Variants in GPC1 observed in about 807,000 individuals in gnomAD.
The protein encoded by GPC1 is glypican-1.
Under a neutral mutation model 51.5 loss-of-function variants are expected in GPC1, and 26 were observed. That is an observed-to-expected ratio of 0.50 (90% confidence interval 0.37 to 0.70). The LOEUF (loss-of-function observed/expected upper bound fraction) is 0.70, where lower values mean the gene tolerates loss of function less well. Ranked by LOEUF, GPC1 falls within the 30% of genes least tolerant of loss-of-function variation. The pLI, the probability that GPC1 is intolerant of heterozygous loss-of-function variation, is 0.00. For missense variants in GPC1, 775 were observed against 800.5 expected (o/e 0.97, Z 0.38); for synonymous variants, 380 against 348.3 (o/e 1.09, Z -1.01).
intron 1 of GPC1, among the ~76,000 whole-genome samples, chr2:240,440,604 G>C (rs1409368465): frequency 8.9e-6 from 1 of 112,784 alleles, no homozygotes; most frequent in African/African-American, 3.4e-5. Flanking sequence ...GTCCTGCCCA[G>C]CTCCTCCTGG....
chr2:240,465,725 G>T, intron 8 of GPC1, 77 bp downstream of exon 8: 1 of 1,278,302 alleles, frequency 7.8e-7, no homozygotes, highest in Non-Finnish European at 1.1e-6. Flanking sequence ...TGCCCTCCGG[G>T]TTCCCCCACC....
chr2:240,440,998 A>G (rs913524582), intron 1 of GPC1, among the ~76,000 whole-genome samples: 1 of 152,280 alleles, frequency 6.6e-6, no homozygotes, highest in African/African-American at 2.4e-5. Context: ...GTGCCCCAGG[A>G]TTAGTGGACA....
chr2:240,444,757 C>T (rs80132642), intron 1 of GPC1, among the ~76,000 whole-genome samples: 18 of 152,312 alleles, frequency 1.2e-4, no homozygotes, highest in African/African-American at 2.6e-4. Context: ...CTGTGGACCC[C>T]GCAGCCCACC....
chr2:240,463,358 C>T lies in GPC1; in HGVS notation c.729C>T (p.Gly243=), dbSNP rs1326767685. The T allele has an allele frequency of 4.3e-6, 7 of 1,612,574 alleles. No homozygotes were observed. Among genetic ancestry groups the T allele is most frequent in the Non-Finnish European group, 5.9e-6 (7 of 1,179,820 alleles). ...VVRKVAQVPL[G]PECSRAVMKL... is the part of the protein sequence containing the mutation. ...CCCTTGCTCCCCAGGTCCCCCTGGGCCCGGAGTGCTCGAGAGCTGTCATGA... is the reference window on the plus strand; with the variant it reads ...CCCTTGCTCCCCAGGTCCCCCTGGGTCCGGAGTGCTCGAGAGCTGTCATGA... Residue 243 remains glycine (G), a synonymous_variant, in exon 4 of 9, where the codon GGC becomes GGT. Transcript: ENST00000264039.
At chr2:240,436,579 A>C (rs1476494514) in intron 1 of GPC1, among the ~76,000 whole-genome samples, 1 of 152,176 alleles carries the variant, frequency 6.6e-6, no homozygotes. Flanking sequence ...CCTCTCTGGG[A>C]GGCGTCTCCG....
At chr2:240,461,153 C>T (rs2074211790) in intron 2 of GPC1, among the ~76,000 whole-genome samples, 1 of 152,212 alleles carries the variant, frequency 6.6e-6, no homozygotes, top group Non-Finnish European at 1.5e-5. Context: ...CGCCAGGACC[C>T]AAGGTGGACA....
At chr2:240,459,332 CG>C (rs2074197703) in intron 2 of GPC1, 144 bp downstream of exon 2, 13 of 822,290 alleles carry the variant, frequency 1.6e-5, no homozygotes, top group Non-Finnish European at 2.5e-5. Context: ...GGGGCTAGGG[CG>C]CTGGGTTGAA....
rs2074224210 is a variant in GPC1 at position 240,462,390 on chromosome 2, C to T, written c.525C>T (p.Phe175=). 6.3e-7 allele frequency: 1 copy of T among 1,596,744 alleles called. No homozygotes were observed. The highest frequency in any genetic ancestry group is 8.5e-7 in the Non-Finnish European group (1 of 1,172,352). ...EFWARLLERL[F]KQLHPQLLLP... is the part of the protein sequence containing the mutation. ...GGGCCCGCCTGCTCGAGCGCCTCTTCAAGCAGCTGCACCCCCAGCTGCTGC... is the reference window on the plus strand; with the variant it reads ...GGGCCCGCCTGCTCGAGCGCCTCTTTAAGCAGCTGCACCCCCAGCTGCTGC... Residue 175 remains phenylalanine (F), a synonymous_variant, in exon 3 of 9, where the codon TTC becomes TTT. Transcript: ENST00000264039.
intron 1 of GPC1, chr2:240,442,593 A>G (rs564674955): frequency 6.6e-6 from 1 of 152,224 alleles, no homozygotes; most frequent in South Asian, 2.1e-4. Context: ...ACACAACTCT[A>G]ATTGGGTCAG....
intron 1 of GPC1, chr2:240,452,933 G>A (rs1403826656): frequency 6.5e-6 from 2 of 306,664 alleles, no homozygotes; most frequent in Non-Finnish European, 6.5e-6. Flanking sequence ...CCTTCCGCCC[G>A]GCCCCGCTCC....
At chr2:240,440,304 A>ACTT in intron 1 of GPC1, among the ~76,000 whole-genome samples, 1 of 152,196 alleles carries the variant, frequency 6.6e-6, no homozygotes, top group Non-Finnish European at 1.5e-5. Context: ...AACACATCAG[A>ACTT]CGGAAGGGGT....
chr2:240,446,372 G>A lies in GPC1; in HGVS notation c.166+10288G>A, dbSNP rs565945209. On this transcript the variant is annotated intron_variant, in intron 1 of 8. Transcript: ENST00000264039. ...CAGACAGAGCCCTTGCTCTCTGGACGCAGTTAGCGCAGAGACAGGGCACGT... is the reference window on the plus strand; with the variant it reads ...CAGACAGAGCCCTTGCTCTCTGGACACAGTTAGCGCAGAGACAGGGCACGT... 2.8e-4 allele frequency among the ~76,000 whole-genome samples: 43 copies of A among 152,378 alleles called. 3 individuals carry two copies. In the East Asian group the frequency reaches 5.4e-3, roughly 19 times the overall value.
In GPC1 at chr2:240,464,256, GGC is replaced by G. The variant is rs1394050695; in HGVS notation, c.884-359_884-358del. The stretch of plus-strand genomic sequence containing the variant: ...GCATGCATACACACCAGCTCACACG[GGC>G]TCATGTGCACACAAGCTGGACCAAG... On this transcript the variant is annotated intron_variant, in intron 4 of 8. Coordinates refer to ENST00000264039, the MANE Select transcript of GPC1 (RefSeq NM_002081.3). The G allele has an allele frequency of 1.3e-5, 4 of 319,256 alleles. No individual in the cohort carries two copies. In the East Asian group the frequency reaches 3.0e-4, roughly 24 times the overall value. The allele number at this position is 319,256 out of a possible 1,614,324, so 19.8% of individuals were successfully genotyped here. A position where few individuals can be genotyped will look rare whatever the true frequency, so the allele number is the denominator to read the frequency against.
rs753373734 is a variant in GPC1 at position 240,462,475 on chromosome 2, G to C, written c.610G>C (p.Glu204Gln). ...GGCCGAGGCGCTGCGGCCCTTCGGGGAGGCCCCGAGAGAGCTGCGCCTGCG... is the reference window on the plus strand; with the variant it reads ...GGCCGAGGCGCTGCGGCCCTTCGGGCAGGCCCCGAGAGAGCTGCGCCTGCG... ...KQAEALRPFG[E>Q]APRELRLRAT... is the part of the protein sequence containing the mutation. The change falls in exon 3 of 9, where the codon GAG (glutamate) becomes CAG (glutamine). Residue 204 changes from glutamate (E) to glutamine (Q), a missense_variant. By Grantham distance (29) the Glu-to-Gln change is conservative (BLOSUM62 2). Transcript: ENST00000264039. The C allele has an allele frequency of 6.2e-7, 1 of 1,601,698 alleles. No homozygotes were observed. The highest frequency in any genetic ancestry group is 8.5e-7 in the Non-Finnish European group (1 of 1,175,588).
intron 4 of GPC1, 180 bp from the exon 5 acceptor site, chr2:240,464,436 A>G: frequency 1.4e-6 from 1 of 698,050 alleles, no homozygotes; most frequent in Non-Finnish European, 2.5e-6. Flanking sequence ...GGCCAAGCTG[A>G]GTGCACGTGG....
At chr2:240,464,515 G>C (rs2074243402) in intron 4 of GPC1, 101 bp from the exon 5 acceptor site, 2 of 1,417,552 alleles carry the variant, frequency 1.4e-6, no homozygotes, top group Non-Finnish European at 2.0e-6. Context: ...GTGCTGTCAA[G>C]ACTGCATTAA....
rs935538755 is a variant in GPC1 at position 240,466,923 on chromosome 2, G to A, written c.*633G>A. The A allele has an allele frequency of 5.9e-5, 9 of 152,506 alleles. No homozygotes were observed. The East Asian group carries it at 1.2e-3, about 20-fold the overall frequency. The allele number at this position is 152,506 out of a possible 1,614,324, so 9.4% of individuals were successfully genotyped here. A position where few individuals can be genotyped will look rare whatever the true frequency, so the allele number is the denominator to read the frequency against. On this transcript the variant is annotated 3_prime_UTR_variant, in exon 9 of 9. Transcript: ENST00000264039. ...CAGCACCACTGCTGAGGAGTCTGAG[G>A]ACTGTCCTCCCACAGACCTGCAGTG...
intron 1 of GPC1, among the ~76,000 whole-genome samples, chr2:240,453,880 G>C (rs1271791618): frequency 6.6e-6 from 1 of 152,128 alleles, no homozygotes. Context: ...CCGGTTTCAC[G>C]CCTGTCGCCC....
rs2074268680 is a variant in GPC1, at chr2:240,467,066, C to G, written c.*776C>G. On this transcript the variant is annotated 3_prime_UTR_variant, in exon 9 of 9. Transcript: ENST00000264039. ...GTGGGCTCTGCCAATGTGGGCTGCC[C>G]CTCGCACACAGGGCTCACAGGGCAG... 1 of 152,250 alleles carries G rather than the reference C, an allele frequency of 6.6e-6. No homozygotes were observed. The highest frequency in any genetic ancestry group is 2.1e-4 in the South Asian group (1 of 4,830). The allele number at this position is 152,250 out of a possible 1,614,324, so 9.4% of individuals were successfully genotyped here. A position where few individuals can be genotyped will look rare whatever the true frequency, so the allele number is the denominator to read the frequency against.
Sources: gnomAD v4.1 joint callset for allele counts (sites outside exome capture counted in the v4.1 genomes callset) on GRCh38, gnomAD v4.1.1 for gene constraint, MANE v1.5 for transcripts, NCBI Gene and HGNC (gene_info 2026-07-23, HGNC 2026-07-21) for gene names.